PPARGC1A: variants seen among roughly 807,000 people sequenced by gnomAD.
PPARGC1A encodes the protein PPARG coactivator 1 alpha, also known as peroxisome proliferator-activated receptor gamma coactivator 1-alpha.
A neutral mutation model predicts 88.7 loss-of-function variants in PPARGC1A; 25 were observed. The ratio of observed to expected loss-of-function variants is 0.28; its 90% CI spans 0.21 to 0.39. The LOEUF (loss-of-function observed/expected upper bound fraction) is 0.39. PPARGC1A is among the 10% of genes least tolerant of loss of function. PPARGC1A has a pLI of 1.00. For synonymous variants in PPARGC1A, 363 were observed against 355.6 expected (o/e 1.02, Z -0.24); for missense variants, 880 against 968.7 (o/e 0.91, Z 1.22).
chr4:23,885,008 A>G, intron 1 of PPARGC1A, 77 bp from the exon 2 acceptor site: 1 of 1,298,988 alleles, frequency 7.7e-7, no homozygotes. Context: ...ATAGCATGTG[A>G]TAGGAATTAA....
At chr4:24,208,435 A>G in the PPARGC1A span, among the ~76,000 whole-genome samples, 1 of 152,098 alleles carries the variant, frequency 6.6e-6, no homozygotes, top group Non-Finnish European at 1.5e-5. Context: ...GGACAGGAGA[A>G]CTTCTAGGGG....
At chr4:24,200,719 G>A in the PPARGC1A span, among the ~76,000 whole-genome samples, 1,784 of 137,208 alleles carry the variant, frequency 0.013, 39 homozygotes, top group African/African-American at 0.044. Context: ...ATATGGATAC[G>A]GGACACATGG....
At chr4:24,459,014 C>T in the PPARGC1A span, among the ~76,000 whole-genome samples, 7 of 151,794 alleles carry the variant, frequency 4.6e-5, no homozygotes, top group Non-Finnish European at 8.8e-5. Context: ...CTTCTTTTTT[C>T]AACTTTTCTA....
chr4:23,924,689 T>G, the PPARGC1A span, among the ~76,000 whole-genome samples: 3 of 152,188 alleles, frequency 2.0e-5, no homozygotes, highest in Non-Finnish European at 4.4e-5. Flanking sequence ...GAGTTTACTT[T>G]CTGCATACAC....
the PPARGC1A span, among the ~76,000 whole-genome samples, chr4:24,079,125 T>C: frequency 6.6e-6 from 1 of 152,076 alleles, no homozygotes; most frequent in African/African-American, 2.4e-5. Flanking sequence ...TTTAGTCTTG[T>C]CTCTAATAAT....
At chr4:24,445,902 T>C in the PPARGC1A span, among the ~76,000 whole-genome samples, 1 of 152,028 alleles carries the variant, frequency 6.6e-6, no homozygotes, top group Non-Finnish European at 1.5e-5. Flanking sequence ...ACCCTGTCTC[T>C]ACTAAAAATA....
At chr4:24,281,389 C>A in the PPARGC1A span, among the ~76,000 whole-genome samples, 628 of 152,284 alleles carry the variant, frequency 4.1e-3, no homozygotes, top group Non-Finnish European at 6.8e-3. Flanking sequence ...GAAGAGGAGA[C>A]AGCATGTGTA....
At chr4:23,947,758 C>A in the PPARGC1A span, among the ~76,000 whole-genome samples, 2 of 152,076 alleles carry the variant, frequency 1.3e-5, no homozygotes. Context: ...GTCCATTGCA[C>A]CCTAGGCATG....
intron 2 of PPARGC1A, among the ~76,000 whole-genome samples, chr4:23,832,567 G>T (rs182185492): frequency 6.6e-6 from 1 of 151,310 alleles, no homozygotes; most frequent in East Asian, 1.9e-4. Flanking sequence ...CTTGTGGCTG[G>T]GGTACTATTC....
chr4:24,099,037 C>T, the PPARGC1A span, among the ~76,000 whole-genome samples: 1 of 152,078 alleles, frequency 6.6e-6, no homozygotes. Flanking sequence ...ATATGCTGGG[C>T]ATCAAGAGAG....
chr4:24,265,713 A>G, the PPARGC1A span, among the ~76,000 whole-genome samples: 45,979 of 152,020 alleles, frequency 0.3, 7,806 homozygotes, highest in East Asian at 0.46. Flanking sequence ...TAATGTTAGA[A>G]TACTAGATAC....
At chr4:24,420,346 A>G in the PPARGC1A span, among the ~76,000 whole-genome samples, 1 of 152,180 alleles carries the variant, frequency 6.6e-6, no homozygotes, top group Admixed American at 6.5e-5. Context: ...AATGTACATT[A>G]ACATTTTTAG....
At chr4:24,307,150 T>C in the PPARGC1A span, among the ~76,000 whole-genome samples, 3 of 152,180 alleles carry the variant, frequency 2.0e-5, no homozygotes, top group African/African-American at 7.2e-5. Context: ...TTATGGGCTA[T>C]GACTATAATC....
the PPARGC1A span, among the ~76,000 whole-genome samples, chr4:23,909,327 A>T: frequency 6.6e-6 from 1 of 152,198 alleles, no homozygotes; most frequent in Non-Finnish European, 1.5e-5. Context: ...CTTTTAAGGA[A>T]AAATGACTGG....
intron 10 of PPARGC1A, among the ~76,000 whole-genome samples, chr4:23,809,711 AT>A (rs1424651525): frequency 1.3e-5 from 2 of 152,156 alleles, no homozygotes; most frequent in East Asian, 1.9e-4. Flanking sequence ...ATTTTACACT[AT>A]TTTTTTATAC....
chr4:24,436,219 A>G, the PPARGC1A span, among the ~76,000 whole-genome samples: 3 of 152,248 alleles, frequency 2.0e-5, no homozygotes, highest in Admixed American at 2.0e-4. Flanking sequence ...TCAATAAGCA[A>G]GATAGTATTT....
chr4:24,157,583 T>G, the PPARGC1A span, among the ~76,000 whole-genome samples: 54 of 152,290 alleles, frequency 3.5e-4, no homozygotes, highest in South Asian at 0.01. Flanking sequence ...TCTCCCTGAA[T>G]ATGCACCTCC....
the PPARGC1A span, among the ~76,000 whole-genome samples, chr4:23,961,853 G>A: frequency 6.6e-6 from 1 of 152,138 alleles, no homozygotes; most frequent in Admixed American, 6.6e-5. Flanking sequence ...TTACCCATAA[G>A]GTGATGGCAG....
At chr4:23,985,841 C>A in the PPARGC1A span, among the ~76,000 whole-genome samples, 3 of 152,074 alleles carry the variant, frequency 2.0e-5, no homozygotes, top group East Asian at 1.9e-4. Flanking sequence ...ATACATCATA[C>A]CCTACCCAGT....
Sources: allele counts gnomAD v4.1 joint callset (sites outside exome capture counted in the v4.1 genomes callset), GRCh38; gene constraint gnomAD v4.1.1; transcripts MANE v1.5; gene names NCBI Gene and HGNC (gene_info 2026-07-23, HGNC 2026-07-21).